CDH12: variants seen among roughly 807,000 people sequenced by gnomAD.
CDH12 encodes cadherin 12, also known as cadherin-12.
Under a neutral mutation model 74.1 loss-of-function variants are expected in CDH12, and 41 were observed. The observed-to-expected ratio is 0.55, with a 90% confidence interval of 0.43 to 0.72. CDH12 has a LOEUF of 0.72. CDH12 is among the 30% of genes least tolerant of loss of function. CDH12 has a pLI of 0.00. For synonymous variants in CDH12, 399 were observed against 355.0 expected, an observed-to-expected ratio of 1.12 and a Z score of -1.39; for missense variants, 945 against 977.2, an observed-to-expected ratio of 0.97 and a Z score of 0.44.
At chr5:22,596,275 G>A (rs1009623430) in intron 1 of CDH12, among the ~76,000 whole-genome samples, 5 of 149,788 alleles carry the variant, frequency 3.3e-5, no homozygotes, top group Admixed American at 1.4e-4. Context: ...CCATCTCTAC[G>A]AAAAATACAA....
intron 1 of CDH12, among the ~76,000 whole-genome samples, chr5:22,602,405 T>C (rs1445286028): frequency 1.3e-5 from 2 of 152,140 alleles, no homozygotes; most frequent in Non-Finnish European, 2.9e-5. Context: ...AGCTTATAAA[T>C]AACTAAAACA....
At chr5:22,478,966 T>C (rs1055255845) in intron 2 of CDH12, among the ~76,000 whole-genome samples, 3 of 152,204 alleles carry the variant, frequency 2.0e-5, no homozygotes, top group African/African-American at 7.2e-5. Flanking sequence ...ATTAGCTGTA[T>C]TAATATTTCA....
At chr5:22,789,458 T>A (rs895146371) in intron 1 of CDH12, among the ~76,000 whole-genome samples, 2 of 152,100 alleles carry the variant, frequency 1.3e-5, no homozygotes. Flanking sequence ...TAGCAATATA[T>A]AATAAAACTT....
At chr5:22,462,109 C>T (rs1745548462) in intron 2 of CDH12, among the ~76,000 whole-genome samples, 1 of 152,020 alleles carries the variant, frequency 6.6e-6, no homozygotes, top group African/African-American at 2.4e-5. Flanking sequence ...ATTATAACAA[C>T]AAACTATCCA....
chr5:22,580,519 G>T, intron 1 of CDH12: 1 of 479,452 alleles, frequency 2.1e-6, no homozygotes, highest in Non-Finnish European at 4.3e-6. Flanking sequence ...GGGACTTCAG[G>T]AATACTCTGG....
chr5:22,835,106 G>A (rs557869413), intron 1 of CDH12, among the ~76,000 whole-genome samples: 2 of 152,134 alleles, frequency 1.3e-5, no homozygotes, highest in African/African-American at 4.8e-5. Flanking sequence ...GATGTCTCCT[G>A]CAAGAATTTG....
chr5:22,691,986 T>C (rs1742107871), intron 1 of CDH12, among the ~76,000 whole-genome samples: 1 of 152,178 alleles, frequency 6.6e-6, no homozygotes, highest in Non-Finnish European at 1.5e-5. Flanking sequence ...TGATATAGTT[T>C]GGATATTTGT....
rs575498469 is a variant in CDH12, at chr5:22,081,501, A to C, written c.-186-2639T>G. ...GATTGGGAGATAAATACAAGGAGAA[A>C]AATGGGTGACAGAAACTCTGACTTC... On this transcript the variant is annotated intron_variant, in intron 4 of 14. Transcript: ENST00000382254. 2.1e-3 allele frequency among the ~76,000 whole-genome samples: 313 copies of C among 152,304 alleles called. 1 individual carries two copies. The highest frequency in any genetic ancestry group is 2.5e-3 in the Non-Finnish European group (171 of 68,030).
At chr5:22,788,492 T>C (rs1747752291) in intron 1 of CDH12, among the ~76,000 whole-genome samples, 1 of 150,220 alleles carries the variant, frequency 6.7e-6, no homozygotes, top group Non-Finnish European at 1.5e-5. Flanking sequence ...ATACTCACTA[T>C]ATGTCATTCC....
chr5:22,675,253 T>C (rs532918521), intron 1 of CDH12, among the ~76,000 whole-genome samples: 1 of 152,238 alleles, frequency 6.6e-6, no homozygotes, highest in East Asian at 1.9e-4. Context: ...GTTCCAGCCA[T>C]GACTAAAAGG....
intron 4 of CDH12, among the ~76,000 whole-genome samples, chr5:22,098,547 C>T (rs918127660): frequency 1.6e-4 from 25 of 152,312 alleles, no homozygotes; most frequent in Admixed American, 1.3e-3. Flanking sequence ...ATGCTCAACT[C>T]ACTCGCTACA....
intron 4 of CDH12, among the ~76,000 whole-genome samples, chr5:22,164,956 C>T (rs569677561): frequency 1.4e-5 from 2 of 144,372 alleles, no homozygotes; most frequent in African/African-American, 2.6e-5. Flanking sequence ...GATTAGACTT[C>T]TCACTGAATG....
At chr5:21,879,028 G>A (rs539254898) in intron 6 of CDH12, among the ~76,000 whole-genome samples, 18 of 152,250 alleles carry the variant, frequency 1.2e-4, no homozygotes, top group African/African-American at 4.1e-4. Flanking sequence ...ACTGTATTGA[G>A]AGTTGCTGAA....
At chr5:21,960,835 T>C (rs1259183303) in intron 6 of CDH12, among the ~76,000 whole-genome samples, 1 of 151,956 alleles carries the variant, frequency 6.6e-6, no homozygotes, top group African/African-American at 2.4e-5. Context: ...AAGCATTCAA[T>C]TTAGTAAGTT....
At chr5:21,803,861 T>G (rs1174798872) in intron 9 of CDH12, among the ~76,000 whole-genome samples, 1 of 152,130 alleles carries the variant, frequency 6.6e-6, no homozygotes, top group African/African-American at 2.4e-5. Context: ...TAAGATATGA[T>G]TGCCATTTTA....
intron 1 of CDH12, among the ~76,000 whole-genome samples, chr5:22,701,103 C>T (rs533222640): frequency 1.7e-4 from 26 of 152,074 alleles, no homozygotes; most frequent in African/African-American, 4.8e-4. Context: ...GGATTCTATC[C>T]GTATGCCCCA....
intron 1 of CDH12, among the ~76,000 whole-genome samples, chr5:22,788,671 AATATG>A (rs1395926270): frequency 2.0e-4 from 29 of 148,444 alleles, no homozygotes; most frequent in African/African-American, 2.2e-4. Context: ...TATAATATAA[AATATG>A]ATATAACATT....
At chr5:22,474,058 T>C (rs991345924) in intron 2 of CDH12, among the ~76,000 whole-genome samples, 5 of 152,096 alleles carry the variant, frequency 3.3e-5, no homozygotes, top group African/African-American at 9.7e-5. Flanking sequence ...ACACAGAGTA[T>C]TGCCAGAGAG....
chr5:22,043,831 T>C (rs1303231421), intron 5 of CDH12, among the ~76,000 whole-genome samples: 2 of 152,098 alleles, frequency 1.3e-5, no homozygotes, highest in Non-Finnish European at 2.9e-5. Context: ...ATTTTTAATC[T>C]CATTTACAGT....
Sources: allele counts gnomAD v4.1 joint callset (sites outside exome capture counted in the v4.1 genomes callset), GRCh38; gene constraint gnomAD v4.1.1; transcripts MANE v1.5; gene names NCBI Gene and HGNC (gene_info 2026-07-23, HGNC 2026-07-21).